The following SCNN1G variants were observed in gnomAD, a reference collection of about 807,000 sequenced individuals.
SCNN1G encodes the protein epithelial sodium channel subunit gamma.
SCNN1G carries 27 observed loss-of-function variants against 64.6 expected under a neutral mutation model. The ratio of observed to expected loss-of-function variants is 0.42; its 90% CI spans 0.31 to 0.58. The LOEUF (loss-of-function observed/expected upper bound fraction) is 0.58. Ranked by LOEUF, SCNN1G falls within the 20% of genes least tolerant of loss-of-function variation. The pLI is 0.18. For missense variants in SCNN1G, 743 were observed against 823.4 expected (o/e 0.90, Z 1.19); for synonymous variants, 330 against 314.2 (o/e 1.05, Z -0.53).
chr16:23,185,167 T>G (rs750680082), intron 1 of SCNN1G, among the ~76,000 whole-genome samples: 3 of 152,200 alleles, frequency 2.0e-5, no homozygotes, highest in Non-Finnish European at 4.4e-5. Flanking sequence ...CACAAGATAT[T>G]CAACCTCTCT....
chr16:23,184,286 G>A (rs1449997448), intron 1 of SCNN1G, among the ~76,000 whole-genome samples: 1 of 152,156 alleles, frequency 6.6e-6, no homozygotes, highest in African/African-American at 2.4e-5. Context: ...CCTGAGAGCT[G>A]GGGATAGGAG....
At chr16:23,208,646 T>C (rs1960030874) in intron 6 of SCNN1G, among the ~76,000 whole-genome samples, 1 of 130,470 alleles carries the variant, frequency 7.7e-6, no homozygotes, top group South Asian at 2.8e-4. Context: ...CCTTCCTTCC[T>C]TTCTCTCTCT....
chr16:23,196,299 G>A (rs533138304), intron 5 of SCNN1G: 1 of 152,366 alleles, frequency 6.6e-6, no homozygotes, highest in South Asian at 2.1e-4. Flanking sequence ...AATCAGATGT[G>A]TTCTAGAAAC....
intron 2 of SCNN1G, among the ~76,000 whole-genome samples, chr16:23,187,189 G>A (rs1302549449): frequency 1.3e-5 from 2 of 148,750 alleles, no homozygotes; most frequent in African/African-American, 5.0e-5. Flanking sequence ...GCTCCCTGCA[G>A]CCCCGACCTC....
intron 4 of SCNN1G, among the ~76,000 whole-genome samples, chr16:23,192,777 A>T (rs1959730034): frequency 6.6e-6 from 1 of 152,178 alleles, no homozygotes; most frequent in Non-Finnish European, 1.5e-5. Flanking sequence ...CATTAAAAAC[A>T]AGGTAGTTGG....
Position 23,189,353 on chromosome 16 carries a change from T to C in SCNN1G, c.318-18T>C, listed in dbSNP as rs552042408. ...GGCCGCCTCCCCTCTCCCTGACTTT[T>C]CCTCCCCACCTTGGCAGGTACAGCA... On this transcript the variant is annotated intron_variant, in intron 2 of 12. Transcript: ENST00000300061. 1.9e-6 allele frequency: 3 copies of C among 1,611,962 alleles called. No individual in the cohort carries two copies. In the Admixed American group the frequency reaches 5.0e-5, roughly 27 times the overall value.
At chr16:23,209,160 C>A (rs1396866115) in intron 6 of SCNN1G, among the ~76,000 whole-genome samples, 1 of 152,136 alleles carries the variant, frequency 6.6e-6, no homozygotes, top group African/African-American at 2.4e-5. Flanking sequence ...TAGAGTCTCA[C>A]TCTGTTGCCC....
chr16:23,191,293 G>T (rs1959704714), intron 3 of SCNN1G, among the ~76,000 whole-genome samples: 1 of 152,156 alleles, frequency 6.6e-6, no homozygotes, highest in Non-Finnish European at 1.5e-5. Context: ...TGCCAATTGT[G>T]TGACCTTGTA....
chr16:23,212,161 A>G lies in SCNN1G; in HGVS notation c.1294+10A>G. 2 of 1,562,044 alleles carry G rather than the reference A, an allele frequency of 1.3e-6. No individual in the cohort carries two copies. The highest frequency in any genetic ancestry group is 1.8e-6 in the Non-Finnish European group (2 of 1,132,874). On this transcript the variant is annotated intron_variant, in intron 8 of 12. Coordinates refer to ENST00000300061, the MANE Select transcript of SCNN1G (RefSeq NM_001039.4). ...CAGCACCCCAACTGGAGTGAGTGAG[A>G]CCCAGCTCCAGCCTTGCATGCCCCA... is the stretch of plus-strand genomic sequence containing the variant.
intron 6 of SCNN1G, 66 bp from the exon 7 acceptor site, chr16:23,209,684 C>A: frequency 8.4e-7 from 1 of 1,187,438 alleles, no homozygotes; most frequent in South Asian, 1.2e-5. Context: ...GTCTGGTGCT[C>A]CTTGCAAAGC....
chr16:23,197,489 A>G, intron 6 of SCNN1G, 62 bp downstream of exon 6: 1 of 1,464,770 alleles, frequency 6.8e-7, no homozygotes, highest in Non-Finnish European at 9.6e-7. Flanking sequence ...TTCCAAGGAT[A>G]ACCAATGGGG....
intron 6 of SCNN1G, among the ~76,000 whole-genome samples, chr16:23,209,328 G>A (rs2141942955): frequency 6.6e-6 from 1 of 152,174 alleles, no homozygotes. Flanking sequence ...GCTCTTTCTT[G>A]CAGTTCCACG....
At chr16:23,200,168 C>T (rs34606639) in intron 6 of SCNN1G, among the ~76,000 whole-genome samples, 28,891 of 152,148 alleles carry the variant, frequency 0.19, 3,018 homozygotes, top group Admixed American at 0.27. Flanking sequence ...CTCAAAGCCA[C>T]TGAATCAGAA....
At chr16:23,203,537 G>C (rs1193221965) in intron 6 of SCNN1G, among the ~76,000 whole-genome samples, 1 of 152,056 alleles carries the variant, frequency 6.6e-6, no homozygotes, top group East Asian at 1.9e-4. Flanking sequence ...TTGGGAGGCT[G>C]AGGTGGGCAG....
At chr16:23,194,861 A>G in intron 5 of SCNN1G, 1 of 155,638 alleles carries the variant, frequency 6.4e-6, no homozygotes, top group Non-Finnish European at 1.4e-5. Flanking sequence ...ACAAAATACC[A>G]GAGACTGGGT....
At chr16:23,203,513 G>A (rs1959926191) in intron 6 of SCNN1G, among the ~76,000 whole-genome samples, 1 of 152,136 alleles carries the variant, frequency 6.6e-6, no homozygotes, top group African/African-American at 2.4e-5. Flanking sequence ...GCTCACACCT[G>A]TAATCCCAGC....
chr16:23,211,939 A>T, intron 7 of SCNN1G, 95 bp from the exon 8 acceptor site: 1 of 926,058 alleles, frequency 1.1e-6, no homozygotes. Context: ...GCCAAGGTTA[A>T]GGGAGGCTGA....
chr16:23,184,593 G>C (rs1959575391), intron 1 of SCNN1G, among the ~76,000 whole-genome samples: 2 of 152,070 alleles, frequency 1.3e-5, no homozygotes, highest in Admixed American at 1.3e-4. Flanking sequence ...GGAGGGTTTA[G>C]AGCAGTTTGT....
intron 2 of SCNN1G, among the ~76,000 whole-genome samples, chr16:23,188,885 T>C (rs575257536): frequency 2.6e-5 from 4 of 152,308 alleles, no homozygotes; most frequent in African/African-American, 9.6e-5. Flanking sequence ...CTATTTTGTG[T>C]TCTTGGGGGT....
Sources: allele counts gnomAD v4.1 joint callset (sites outside exome capture counted in the v4.1 genomes callset), GRCh38; gene constraint gnomAD v4.1.1; transcripts MANE v1.5; gene names NCBI Gene and HGNC (gene_info 2026-07-23, HGNC 2026-07-21).